The following NOL8 variants were observed in gnomAD, a reference collection of about 807,000 sequenced individuals.
NOL8 encodes nucleolar protein 8.
A neutral mutation model predicts 116.1 loss-of-function variants in NOL8; 93 were observed. The observed-to-expected ratio is 0.80, with a 90% CI of 0.68 to 0.95. NOL8 has a LOEUF of 0.95. NOL8 is among the 40% of genes least tolerant of loss of function. NOL8 has a pLI of 0.00. For missense variants in NOL8, 1,291 were observed against 1,382.8 expected (o/e 0.93, Z 1.05); for synonymous variants, 419 against 469.0 (o/e 0.89, Z 1.38).
rs754484768 is a variant in NOL8, at chr9:92,311,068, T to C, written c.2472+78A>G. 5 of 1,159,598 alleles carry C rather than the reference T, an allele frequency of 4.3e-6. No homozygotes were observed. In the Admixed American group the frequency reaches 8.0e-5, roughly 18 times the overall value. 71.8% of individuals were successfully genotyped at this position (1,159,598 alleles called of 1,614,324 possible). On this transcript the variant is annotated intron_variant, in intron 8 of 16. Transcript: ENST00000442668. ...CATTGGGGCTCTCAGGAGGGTTTTA[T>C]GTTGAGATTGCCAGTTGTTTGTGGT...
chr9:92,323,378 T>C lies in NOL8; in HGVS notation c.202+63A>G, dbSNP rs1324721920. 5 of 1,542,320 alleles carry C rather than the reference T, an allele frequency of 3.2e-6. No homozygotes were observed. The East Asian group carries it at 1.2e-4, about 37-fold the overall frequency. On this transcript the variant is annotated intron_variant, in intron 3 of 16. Coordinates refer to ENST00000442668, the MANE Select transcript of NOL8 (RefSeq NM_017948.6). ...TGTGGAGGTTTAGATTTAGAACCAG[T>C]TATTCCAAGTTACAGAGTCATACAA...
In NOL8 at chr9:92,310,198, C is replaced by A. The variant is rs771152718; in HGVS notation, c.2659G>T (p.Glu887Ter). 2 of 1,609,468 alleles carry A rather than the reference C, an allele frequency of 1.2e-6. No homozygotes were observed. The highest frequency in any genetic ancestry group is 1.7e-6 in the Non-Finnish European group (2 of 1,177,978). Residue 887 changes from glutamate (E) to a stop codon, truncating the protein, a stop_gained, in exon 10 of 17, where the codon GAA becomes TAA. Coordinates refer to ENST00000442668, the MANE Select transcript of NOL8 (RefSeq NM_017948.6). LOFTEE classifies it high-confidence loss of function. ...TCCTGTTCCTCTTCACTGTCAGTTT[C>A]TAGAAATCGAGAGTCCATGCGGAAT... Reference protein sequence around the residue: ...DRFRMDSRFLETDSEEEQEEV... With the variant: ...DRFRMDSRFL
Position 92,301,566 on chromosome 9 carries a change from T to C in NOL8, c.3160A>G (p.Lys1054Glu), listed in dbSNP as rs964380400. 5.0e-6 allele frequency: 8 copies of C among 1,596,936 alleles called. No individual in the cohort carries two copies. The highest frequency in any genetic ancestry group is 4.1e-5 in the African/African-American group (3 of 73,986). Reference sequence around the variant, plus strand: ...AGAAAAGTACCTTCCTTTATGTCTTTAGTGTCTGAATCAAAAAAAGAGAAC... The same window carrying C: ...AGAAAAGTACCTTCCTTTATGTCTTCAGTGTCTGAATCAAAAAAAGAGAAC... ...FTFSFFDSDTKDIKEETYRVE... is the reference protein window; with the variant it reads ...FTFSFFDSDTEDIKEETYRVE... Residue 1054 changes from lysine to glutamate, a missense_variant, in exon 13 of 17, where the codon AAA becomes GAA. By Grantham distance (56) the Lys-to-Glu change is moderately conservative. Transcript: ENST00000442668.
intron 5 of NOL8, 56 bp downstream of exon 5, chr9:92,319,165 C>G (rs1000558245): frequency 2.0e-5 from 30 of 1,468,914 alleles, no homozygotes; most frequent in Non-Finnish European, 2.7e-5. Flanking sequence ...ATCACGTGAT[C>G]TCAGGCATCA....
At chr9:92,310,001 A>G (rs1341540649) in intron 10 of NOL8, among the ~76,000 whole-genome samples, 170 bp downstream of exon 10, 5 of 152,192 alleles carry the variant, frequency 3.3e-5, no homozygotes, top group Admixed American at 6.5e-5. Flanking sequence ...ATTTTCCTAA[A>G]TTACTATGTA....
rs1278231055 is a variant in NOL8 at position 92,315,024 on chromosome 9, C to T, written c.1601G>A (p.Arg534Lys). 2 of 1,614,072 alleles carry T rather than the reference C, an allele frequency of 1.2e-6. No homozygotes were observed. The highest frequency in any genetic ancestry group is 1.7e-6 in the Non-Finnish European group (2 of 1,179,900). Residue 534 changes from arginine (R) to lysine (K), a missense_variant, in exon 7 of 17, where the codon AGA becomes AAA. Arg to Lys is a conservative substitution (Grantham distance 26). Transcript: ENST00000442668. ...CGCAGGACGAATACACTGTCGGCCT[C>T]TGCGGAGGCCAGTGGGAGTCTTGGG... ...KSPKTPTGLR[R>K]GRQCIRPAEI...
In NOL8 at chr9:92,310,557, T is replaced by G; in HGVS notation, c.2591A>C (p.Gln864Pro). The G allele has an allele frequency of 6.3e-7, 1 of 1,598,104 alleles. No individual in the cohort carries two copies. Among genetic ancestry groups the G allele is most frequent in the Non-Finnish European group, 8.5e-7 (1 of 1,175,072 alleles). The change falls in exon 9 of 17, where the codon CAG (glutamine) becomes CCG (proline). Residue 864 changes from glutamine (Q) to proline (P), a missense_variant. Physicochemically the swap from Gln to Pro is moderately conservative, Grantham distance 76. Coordinates refer to ENST00000442668, the MANE Select transcript of NOL8 (RefSeq NM_017948.6). ...TTATTTTCAGTCTTCACTAACCTTC[T>G]GTCCAGCTCTGCCCTCAAACTGAGG... is the stretch of plus-strand genomic sequence containing the variant. Reference protein sequence around the residue: ...IKPQFEGRAGQKLMDLQSHFG... With the variant: ...IKPQFEGRAGPKLMDLQSHFG...
At chr9:92,319,461 A>G (rs1484880061) in intron 4 of NOL8, 105 bp from the exon 5 acceptor site, 6 of 1,246,158 alleles carry the variant, frequency 4.8e-6, no homozygotes, top group Non-Finnish European at 6.3e-6. Flanking sequence ...ACAGCTTTGT[A>G]GTATTAAAAA....
In NOL8 at chr9:92,305,740, T is replaced by G; in HGVS notation, c.2903+13A>C. The stretch of plus-strand genomic sequence containing the variant: ...TACATGATCCTATTGCTAAAAGAAG[T>G]AGCTCTACTTACCTTTCTTTTGGCT... On this transcript the variant is annotated intron_variant, in intron 12 of 16. Coordinates refer to ENST00000442668, the MANE Select transcript of NOL8 (RefSeq NM_017948.6). The G allele has an allele frequency of 6.4e-7, 1 of 1,556,046 alleles. No individual in the cohort carries two copies. The highest frequency in any genetic ancestry group is 8.9e-7 in the Non-Finnish European group (1 of 1,128,430).
rs1840091345 is a variant in NOL8 at position 92,323,432 on chromosome 9, T to C, written c.202+9A>G. 1 of 1,597,886 alleles carries C rather than the reference T, an allele frequency of 6.3e-7. No individual in the cohort carries two copies. Among genetic ancestry groups the C allele is most frequent in the East Asian group, 2.2e-5 (1 of 44,560 alleles). ...GGCAAACAGTATAGAAAATATATGATGATCTTACATTTTTTCAGGTCCGCT... is the reference window on the plus strand; with the variant it reads ...GGCAAACAGTATAGAAAATATATGACGATCTTACATTTTTTCAGGTCCGCT... On this transcript the variant is annotated intron_variant, in intron 3 of 16. Coordinates refer to ENST00000442668, the MANE Select transcript of NOL8 (RefSeq NM_017948.6).
chr9:92,308,509 A>G (rs1838482301), intron 10 of NOL8, among the ~76,000 whole-genome samples: 1 of 152,236 alleles, frequency 6.6e-6, no homozygotes, highest in African/African-American at 2.4e-5. Context: ...GCCTGTGGAA[A>G]ATATCCAACA....
At position 92,303,289 on chromosome 9, in the gene NOL8, T is replaced by C. The variant is rs373705287; in HGVS notation, c.2904-1467A>G. Among the ~76,000 whole-genome samples, 14 of 152,192 alleles carry C rather than the reference T, an allele frequency of 9.2e-5. No individual in the cohort carries two copies. In the East Asian group the frequency reaches 1.9e-3, roughly 21 times the overall value. ...TAAAGAAGGGGTTGGCAAACTATAG[T>C]CCATGGGCCAAGTCCAGGCTACTGC... On this transcript the variant is annotated intron_variant, in intron 12 of 16. Transcript: ENST00000442668.
At chr9:92,313,544 C>G (rs72750490) in intron 7 of NOL8, among the ~76,000 whole-genome samples, 4,658 of 152,288 alleles carry the variant, frequency 0.031, 112 homozygotes, top group South Asian at 0.079. Context: ...ATTCTTCACT[C>G]TCTTTTCATT....
At chr9:92,321,776 T>C in intron 3 of NOL8, 30 bp from the exon 4 acceptor site, 1 of 1,068,128 alleles carries the variant, frequency 9.4e-7, no homozygotes, top group Non-Finnish European at 1.3e-6. Context: ...TACAAGTACA[T>C]GGCAATGTAA....
chr9:92,324,127 A>C lies in NOL8; in HGVS notation c.35T>G (p.Val12Gly), dbSNP rs763730459. 7.4e-6 allele frequency: 12 copies of C among 1,613,876 alleles called. No homozygotes were observed. Among genetic ancestry groups the C allele is most frequent in the Non-Finnish European group, 1.0e-5 (12 of 1,179,874 alleles). ...KVNRETKRLY[V>G]GGLSQDISEA... ...AGAAATGTCCTGGCTAAGGCCACCC[A>C]CATAAAGGCGCTTCGTTTCTCTGTT... The change falls in exon 2 of 17, where the codon GTG becomes GGG. Residue 12 changes from valine to glycine, a missense_variant. Val to Gly is a moderately radical substitution (Grantham distance 109). Coordinates refer to ENST00000442668, the MANE Select transcript of NOL8 (RefSeq NM_017948.6).
At chr9:92,301,181 A>G (rs1837712837) in intron 13 of NOL8, among the ~76,000 whole-genome samples, 1 of 152,200 alleles carries the variant, frequency 6.6e-6, no homozygotes, top group African/African-American at 2.4e-5. Context: ...ATCTTCTTTT[A>G]TCTTATATAT....
At position 92,304,592 on chromosome 9, in the gene NOL8, A is replaced by G. The variant is rs185542483; in HGVS notation, c.2903+1161T>C. On this transcript the variant is annotated intron_variant, in intron 12 of 16. Transcript: ENST00000442668. Reference sequence around the variant, plus strand: ...ACGGATTATCTGAAATAACACACATATATCCTACATTGGAGGGAATATTAA... The same window carrying G: ...ACGGATTATCTGAAATAACACACATGTATCCTACATTGGAGGGAATATTAA... 1.9e-3 allele frequency among the ~76,000 whole-genome samples: 283 copies of G among 152,286 alleles called. 2 individuals carry two copies. Among genetic ancestry groups the G allele is most frequent in the African/African-American group, 6.5e-3 (269 of 41,558 alleles).
At chr9:92,325,106 C>CAA (rs1201270029) in intron 1 of NOL8, 200 bp downstream of exon 1, 4 of 152,240 alleles carry the variant, frequency 2.6e-5, no homozygotes, top group Admixed American at 6.5e-5. Flanking sequence ...CAAGAGCTGA[C>CAA]AGACTCTTTC....
rs1373507365 is a variant in NOL8 at position 92,301,836 on chromosome 9, T to C, written c.2904-14A>G. 3.0e-5 allele frequency: 46 copies of C among 1,547,470 alleles called. 1 individual carries two copies. The East Asian group carries it at 1.0e-3, about 34-fold the overall frequency. On this transcript the variant is annotated splice_polypyrimidine_tract_variant and intron_variant, in intron 12 of 16. Coordinates refer to ENST00000442668, the MANE Select transcript of NOL8 (RefSeq NM_017948.6). ...CGTTTTGCTTTACTGAAATGACATATGTAGACATGTGCATCACAAAGAAAC... is the reference window on the plus strand; with the variant it reads ...CGTTTTGCTTTACTGAAATGACATACGTAGACATGTGCATCACAAAGAAAC...
Sources: allele counts gnomAD v4.1 joint callset (sites outside exome capture counted in the v4.1 genomes callset), GRCh38; gene constraint gnomAD v4.1.1; transcripts MANE v1.5; gene names NCBI Gene and HGNC (gene_info 2026-07-23, HGNC 2026-07-21).